PLXNC1: variants seen among roughly 807,000 people sequenced by gnomAD.
PLXNC1 encodes the protein plexin-C1.
Under a neutral mutation model 178.2 loss-of-function variants are expected in PLXNC1, and 75 were observed. That is an observed-to-expected ratio of 0.42 (90% CI 0.35 to 0.51). PLXNC1 has a LOEUF of 0.51. Ranked by LOEUF, PLXNC1 falls within the 20% of genes least tolerant of loss-of-function variation. The pLI is 0.02. For missense variants in PLXNC1, 1,503 were observed against 1,984.4 expected (o/e 0.76, Z 4.61); for synonymous variants, 790 against 779.9 (o/e 1.01, Z -0.22).
At chr12:94,301,079 T>A in intron 28 of PLXNC1, 22 bp downstream of exon 28, 1 of 1,611,014 alleles carries the variant, frequency 6.2e-7, no homozygotes, top group Non-Finnish European at 8.5e-7. Flanking sequence ...CTTGAGTATT[T>A]CTTGTATGCA....
chr12:94,199,790 GT>G (rs1963052354), intron 4 of PLXNC1, among the ~76,000 whole-genome samples: 6 of 152,250 alleles, frequency 3.9e-5, no homozygotes, highest in South Asian at 4.1e-4. Flanking sequence ...TTGTTTGTTT[GT>G]TTGGTTGGTT....
intron 9 of PLXNC1, among the ~76,000 whole-genome samples, chr12:94,235,730 C>T (rs751107281): frequency 8.5e-5 from 13 of 152,112 alleles, no homozygotes; most frequent in South Asian, 2.1e-4. Context: ...ACTACCCAGA[C>T]GAATATTTAT....
chr12:94,276,394 G>A (rs1397224552), intron 21 of PLXNC1, among the ~76,000 whole-genome samples: 2 of 149,980 alleles, frequency 1.3e-5, no homozygotes, highest in East Asian at 2.0e-4. Context: ...GGGGAATTTA[G>A]CTTAGGACAT....
chr12:94,201,776 TTTTTTTTTTTG>T (rs1193868298), intron 4 of PLXNC1, among the ~76,000 whole-genome samples: 50 of 87,868 alleles, frequency 5.7e-4, no homozygotes, highest in South Asian at 2.9e-3. Context: ...TTTTTTTTTT[TTTTTTTTTTTG>T]AGACAGAGTC....
chr12:94,214,901 AT>A (rs143919928), intron 5 of PLXNC1, among the ~76,000 whole-genome samples: 30,959 of 147,046 alleles, frequency 0.21, 3,268 homozygotes, highest in Middle Eastern at 0.27. Context: ...TATTAAGGCT[AT>A]TTTTTTTTTT....
chr12:94,252,017 A>T (rs1164688788), intron 15 of PLXNC1, among the ~76,000 whole-genome samples: 1 of 151,768 alleles, frequency 6.6e-6, no homozygotes, highest in Non-Finnish European at 1.5e-5. Context: ...AAAAAACAAA[A>T]TTTTTTTTTA....
intron 2 of PLXNC1, among the ~76,000 whole-genome samples, chr12:94,176,054 A>G (rs1172067387): frequency 1.3e-5 from 2 of 152,208 alleles, no homozygotes; most frequent in Admixed American, 6.5e-5. Flanking sequence ...GATCTATATT[A>G]AGGTCGTATC....
At chr12:94,289,306 C>T (rs981520116) in intron 23 of PLXNC1, among the ~76,000 whole-genome samples, 1 of 152,192 alleles carries the variant, frequency 6.6e-6, no homozygotes, top group Non-Finnish European at 1.5e-5. Context: ...TCATCTCTGC[C>T]ACTTCTAACG....
At chr12:94,279,903 T>C (rs903042810) in intron 22 of PLXNC1, 1 of 622,762 alleles carries the variant, frequency 1.6e-6, no homozygotes, top group Non-Finnish European at 3.0e-6. Flanking sequence ...ATTACGTCTG[T>C]AAATCAGATT....
chr12:94,223,689 T>C (rs1963857102), intron 6 of PLXNC1, among the ~76,000 whole-genome samples: 1 of 152,378 alleles, frequency 6.6e-6, no homozygotes, highest in Middle Eastern at 3.4e-3. Context: ...GAGTAGGTTT[T>C]CAAAGGCAAA....
chr12:94,236,426 A>G (rs1964242396), intron 9 of PLXNC1, among the ~76,000 whole-genome samples: 2 of 152,200 alleles, frequency 1.3e-5, no homozygotes, highest in Non-Finnish European at 1.5e-5. Flanking sequence ...TCCATGTACA[A>G]AGGAGCAGAG....
intron 1 of PLXNC1, among the ~76,000 whole-genome samples, chr12:94,162,093 A>C (rs1309246965): frequency 6.6e-6 from 1 of 152,240 alleles, no homozygotes; most frequent in Non-Finnish European, 1.5e-5. Flanking sequence ...TAAGTTTTTA[A>C]AAACAATAGT....
At chr12:94,262,564 G>A (rs1479073808) in intron 20 of PLXNC1, 3 of 985,344 alleles carry the variant, frequency 3.0e-6, no homozygotes, top group Non-Finnish European at 3.6e-6. Flanking sequence ...GAGTGGTGAG[G>A]GGGCGGCTCG....
At chr12:94,197,407 G>C (rs545800132) in intron 4 of PLXNC1, among the ~76,000 whole-genome samples, 2 of 149,798 alleles carry the variant, frequency 1.3e-5, no homozygotes, top group South Asian at 2.1e-4. Context: ...ACAGGAGTAG[G>C]TTCCTGATAA....
At chr12:94,242,711 T>G (rs1337738437) in intron 11 of PLXNC1, among the ~76,000 whole-genome samples, 1 of 152,108 alleles carries the variant, frequency 6.6e-6, no homozygotes, top group Non-Finnish European at 1.5e-5. Context: ...CCAATTCCAT[T>G]CTCCATATAA....
At chr12:94,226,400 C>T (rs1717849969) in intron 7 of PLXNC1, 1 of 501,444 alleles carries the variant, frequency 2.0e-6, no homozygotes, top group South Asian at 2.2e-5. Flanking sequence ...GTTTCCATGG[C>T]AACACCCCTG....
Position 94,298,613 on chromosome 12 carries a change from G to A in PLXNC1, c.4075-19G>A. The A allele has an allele frequency of 6.4e-7, 1 of 1,567,980 alleles. No homozygotes were observed. Among genetic ancestry groups the A allele is most frequent in the African/African-American group, 1.4e-5 (1 of 72,434 alleles). ...CCACAGTTTTTAATCTCCCAAATCT[G>A]ATGTTGTCTATCTTTCAGGTGGCAA... On this transcript the variant is annotated intron_variant, in intron 26 of 30. Coordinates refer to ENST00000258526, the MANE Select transcript of PLXNC1 (RefSeq NM_005761.3).
intron 21 of PLXNC1, among the ~76,000 whole-genome samples, chr12:94,275,104 G>T (rs967728741): frequency 6.6e-6 from 1 of 152,172 alleles, no homozygotes; most frequent in African/African-American, 2.4e-5. Flanking sequence ...AGGTGGCCCG[G>T]TGCTGGGCCT....
In PLXNC1 at chr12:94,260,371, T is replaced by TA. The variant is rs370838462; in HGVS notation, c.3252-264dup. ...CCATGCCCGGCCCATAAATTCTTAA[T>TA]AAAAAAAGCAGAAGTGTTAATTTTT... is the stretch of plus-strand genomic sequence containing the variant. On this transcript the variant is annotated intron_variant, in intron 19 of 30. Coordinates refer to ENST00000258526, the MANE Select transcript of PLXNC1 (RefSeq NM_005761.3). The surrounding 1 kb of genome is among the most constrained non-coding windows in gnomAD (Gnocchi z 4.4). 2.0e-5 allele frequency among the ~76,000 whole-genome samples: 3 copies of TA among 151,862 alleles called. No individual in the cohort carries two copies. Among genetic ancestry groups the TA allele is most frequent in the Admixed American group, 6.6e-5 (1 of 15,258 alleles).
Sources: gnomAD v4.1 joint callset for allele counts (sites outside exome capture counted in the v4.1 genomes callset) on GRCh38, gnomAD v4.1.1 for gene constraint, Gnocchi (gnomAD v3.1) non-coding constraint, MANE v1.5 for transcripts, NCBI Gene and HGNC (gene_info 2026-07-23, HGNC 2026-07-21) for gene names.